FBN1: variants seen among roughly 807,000 people sequenced by gnomAD.
The protein encoded by FBN1 is fibrillin 1.
FBN1 carries 29 observed loss-of-function variants against 365.1 expected under a neutral mutation model. The observed-to-expected ratio is 0.08, with a 90% CI of 0.06 to 0.11. The LOEUF is 0.11. Ranked by LOEUF, FBN1 falls within the 10% of genes least tolerant of loss-of-function variation. The pLI, the probability that FBN1 is intolerant of heterozygous loss-of-function variation, is 1.00. For missense variants in FBN1, 2,476 were observed against 3,703.2 expected (o/e 0.67, Z 8.60); for synonymous variants, 1,210 against 1,270.5 (o/e 0.95, Z 1.01).
intron 60 of FBN1, among the ~76,000 whole-genome samples, chr15:48,422,678 G>A (rs1292650971): frequency 2.0e-5 from 3 of 152,250 alleles, no homozygotes; most frequent in African/African-American, 7.2e-5. Context: ...CTGCCTCCAG[G>A]CCAAGCGTGG....
chr15:48,529,735 C>T (rs1255405097), intron 8 of FBN1: 2 of 152,426 alleles, frequency 1.3e-5, no homozygotes, highest in Non-Finnish European at 2.9e-5. Flanking sequence ...TGTACAAACT[C>T]AACCCAGTGT....
chr15:48,439,305 C>T (rs1198799619), intron 50 of FBN1, among the ~76,000 whole-genome samples: 1 of 152,198 alleles, frequency 6.6e-6, no homozygotes, highest in Non-Finnish European at 1.5e-5. Context: ...TCCACTTCCC[C>T]ATCTGTTGTG....
At chr15:48,554,930 T>C (rs1239719043) in intron 6 of FBN1, among the ~76,000 whole-genome samples, 1 of 152,188 alleles carries the variant, frequency 6.6e-6, no homozygotes, top group Non-Finnish European at 1.5e-5. Context: ...TGATTGTAAC[T>C]CTTTCTATTC....
chr15:48,607,430 A>C (rs2044622971), intron 4 of FBN1, among the ~76,000 whole-genome samples: 1 of 150,532 alleles, frequency 6.6e-6, no homozygotes, highest in Non-Finnish European at 1.5e-5. Flanking sequence ...CATATGTTGA[A>C]ACTTAGTCCC....
chr15:48,420,564 A>G (rs1430829439), intron 63 of FBN1, 123 bp downstream of exon 63: 8 of 1,321,966 alleles, frequency 6.1e-6, no homozygotes, highest in Non-Finnish European at 8.6e-6. Flanking sequence ...CAACCAGGTT[A>G]GGGCAATTTT....
At chr15:48,521,122 C>T (rs1281044535) in intron 9 of FBN1, among the ~76,000 whole-genome samples, 1 of 152,210 alleles carries the variant, frequency 6.6e-6, no homozygotes, top group Non-Finnish European at 1.5e-5. Flanking sequence ...AAGAAAATCA[C>T]TAGCAGTGAC....
At chr15:48,494,998 G>C in intron 22 of FBN1, 125 bp downstream of exon 22, 1 of 1,072,784 alleles carries the variant, frequency 9.3e-7, no homozygotes, top group Non-Finnish European at 1.4e-6. Context: ...CAATATGTTC[G>C]GGGCCATCAG....
chr15:48,470,265 G>A (rs866148959), intron 36 of FBN1, among the ~76,000 whole-genome samples: 8 of 152,074 alleles, frequency 5.3e-5, no homozygotes, highest in Admixed American at 2.6e-4. Context: ...TTGCAACAAC[G>A]AAGTACAAGG....
intron 57 of FBN1, chr15:48,428,048 T>G: frequency 3.0e-6 from 2 of 660,580 alleles, no homozygotes; most frequent in Non-Finnish European, 5.5e-6. Context: ...TAGCCATGCT[T>G]ACAGACAGAG....
At chr15:48,594,824 A>T (rs1166184065) in intron 6 of FBN1, among the ~76,000 whole-genome samples, 1 of 152,196 alleles carries the variant, frequency 6.6e-6, no homozygotes, top group Non-Finnish European at 1.5e-5. Context: ...TTATCATCTG[A>T]GAAATTATTT....
chr15:48,479,052 T>A (rs781385512), intron 32 of FBN1, among the ~76,000 whole-genome samples: 1 of 152,212 alleles, frequency 6.6e-6, no homozygotes, highest in East Asian at 1.9e-4. Flanking sequence ...AGTAGACATA[T>A]TCCTTTTGTC....
chr15:48,416,470 C>CG (rs2042904258), intron 63 of FBN1, among the ~76,000 whole-genome samples: 5 of 152,172 alleles, frequency 3.3e-5, no homozygotes, highest in Non-Finnish European at 7.3e-5. Context: ...AACCAGCCTC[C>CG]TGCCCAGAGT....
intron 64 of FBN1, among the ~76,000 whole-genome samples, chr15:48,415,285 A>G (rs1597509397): frequency 6.6e-6 from 1 of 152,228 alleles, no homozygotes; most frequent in South Asian, 2.1e-4. Context: ...GATCAAGAGA[A>G]TAAGATAGAG....
chr15:48,555,933 T>C (rs685091), intron 6 of FBN1, among the ~76,000 whole-genome samples: 27,567 of 152,128 alleles, frequency 0.18, 4,086 homozygotes, highest in African/African-American at 0.41. Context: ...TGGGGGTTTC[T>C]GAAAGAAACT....
At position 48,430,927 on chromosome 15, in the gene FBN1, T is replaced by C. The variant is rs75466319; in HGVS notation, c.6740-125A>G. ...TCATCTGTTATTTCACTACTGGCTG[T>C]ATTTCCTTCTGCTCTGTTGAGTATG... is the stretch of plus-strand genomic sequence containing the variant. On this transcript the variant is annotated intron_variant, in intron 55 of 65. Transcript: ENST00000316623. 11 of 860,340 alleles carry C rather than the reference T, an allele frequency of 1.3e-5. No individual in the cohort carries two copies. The Admixed American group carries it at 1.4e-4, about 11-fold the overall frequency. The allele number at this position is 860,340 out of a possible 1,614,324, so 53.3% of individuals were successfully genotyped here.
chr15:48,627,393 A>C (rs1889904821), intron 2 of FBN1, among the ~76,000 whole-genome samples: 1 of 152,220 alleles, frequency 6.6e-6, no homozygotes, highest in Non-Finnish European at 1.5e-5. Context: ...GTCAGCTCTT[A>C]ACATGCTCAA....
intron 15 of FBN1, among the ~76,000 whole-genome samples, chr15:48,507,247 T>A (rs2043717383): frequency 6.6e-6 from 1 of 150,962 alleles, no homozygotes. Flanking sequence ...CTTTCTATTA[T>A]TTTTTTTTGG....
intron 53 of FBN1, 148 bp from the exon 54 acceptor site, chr15:48,434,861 G>T: frequency 1.1e-6 from 1 of 925,382 alleles, no homozygotes; most frequent in Non-Finnish European, 1.7e-6. Context: ...GCTGTGGCGC[G>T]ATTTCAGCTC....
rs1343025725 is a variant in FBN1, at chr15:48,487,292, G to A, written c.3463+20C>T. On this transcript the variant is annotated intron_variant, in intron 28 of 65. Coordinates refer to ENST00000316623, the MANE Select transcript of FBN1 (RefSeq NM_000138.5). The stretch of plus-strand genomic sequence containing the variant: ...AAACAACTGACCACAAGTAAATGGT[G>A]TGAAAGTCTTTCTCCTTACCGATAC... 3 of 1,614,234 alleles carry A rather than the reference G, an allele frequency of 1.9e-6. No individual in the cohort carries two copies. The highest frequency in any genetic ancestry group is 2.5e-6 in the Non-Finnish European group (3 of 1,180,050).
Sources: gnomAD v4.1 joint callset for allele counts (sites outside exome capture counted in the v4.1 genomes callset) on GRCh38, gnomAD v4.1.1 for gene constraint, MANE v1.5 for transcripts, NCBI Gene and HGNC (gene_info 2026-07-23, HGNC 2026-07-21) for gene names.